ZNF875: variants seen among roughly 807,000 people sequenced by gnomAD.
ZNF875 encodes the protein HKR1, GLI-Kruppel zinc finger family member.
Under a neutral mutation model 11.2 loss-of-function variants are expected in ZNF875, and 14 were observed. That is an observed-to-expected ratio of 1.26 (90% CI 0.83 to 1.96). The LOEUF is 1.96. Among genes scored for constraint, ZNF875 ranks in the 30% most tolerant of loss-of-function variants. The pLI is 0.00. For synonymous variants in ZNF875, 301 were observed against 281.1 expected (o/e 1.07, Z -0.71); for missense variants, 752 against 760.4 (o/e 0.99, Z 0.13).
At chr19:37,327,539 G>A (rs1053165755) in intron 4 of ZNF875, among the ~76,000 whole-genome samples, 14 of 151,730 alleles carry the variant, frequency 9.2e-5, no homozygotes, top group African/African-American at 2.7e-4. Context: ...AGGCCGAGGC[G>A]GGCAGATCAC....
In ZNF875 at chr19:37,334,773, C is replaced by T. The variant is rs1481309363; in HGVS notation, c.-66C>T. 6.6e-6 allele frequency: 3 copies of T among 456,516 alleles called. No homozygotes were observed. Among genetic ancestry groups the T allele is most frequent in the South Asian group, 4.6e-5 (3 of 64,564 alleles). The allele number at this position is 456,516 out of a possible 1,614,324, so 28.3% of individuals were successfully genotyped here. A position where few individuals can be genotyped will look rare whatever the true frequency, so the allele number is the denominator to read the frequency against. Reference sequence around the variant, plus strand: ...TCGGCTTCAGGATCCGCAGCGTGCACCCGCGTTCCGTGAGTGCCCTATAGG... The same window carrying T: ...TCGGCTTCAGGATCCGCAGCGTGCATCCGCGTTCCGTGAGTGCCCTATAGG... On this transcript the variant is annotated 5_prime_UTR_variant, in exon 1 of 5. Transcript: ENST00000392153.
upstream of ZNF875, among the ~76,000 whole-genome samples, chr19:37,334,028 C>T (rs2033800052): frequency 7.2e-5 from 11 of 152,206 alleles, no homozygotes; most frequent in South Asian, 2.3e-3. Flanking sequence ...ACCAGGGGAT[C>T]TTTTGCTGTT....
upstream of ZNF875, among the ~76,000 whole-genome samples, chr19:37,332,725 T>G (rs1329501326): frequency 1.3e-5 from 2 of 152,228 alleles, no homozygotes; most frequent in African/African-American, 4.8e-5. Context: ...ATTTGCTTTT[T>G]TGTTTTTTGC....
upstream of ZNF875, among the ~76,000 whole-genome samples, chr19:37,332,261 G>C (rs1488240884): frequency 6.7e-6 from 1 of 149,404 alleles, no homozygotes. Flanking sequence ...GGTTCCCCGG[G>C]TCCCCTTATT....
At chr19:37,348,292 T>C (rs1333713357) in intron 4 of ZNF875, among the ~76,000 whole-genome samples, 1 of 152,196 alleles carries the variant, frequency 6.6e-6, no homozygotes, top group East Asian at 1.9e-4. Context: ...CTATGACTAA[T>C]AATAAAATAC....
intron 2 of ZNF875, among the ~76,000 whole-genome samples, chr19:37,336,908 A>AAAAT (rs952486882): frequency 5.3e-5 from 8 of 152,032 alleles, no homozygotes; most frequent in Admixed American, 3.3e-4. Flanking sequence ...ACTCCATCTC[A>AAAAT]AAATAAATAA....
At chr19:37,315,070 A>G (rs1207093755), upstream of ZNF875, 1 of 151,902 alleles carries the variant, frequency 6.6e-6, no homozygotes, top group African/African-American at 2.4e-5. Flanking sequence ...GGCCACCACT[A>G]ATCTACTTTC....
At chr19:37,314,478 G>A (rs1270310653), upstream of ZNF875, among the ~76,000 whole-genome samples, 1 of 152,154 alleles carries the variant, frequency 6.6e-6, no homozygotes, top group Non-Finnish European at 1.5e-5. Flanking sequence ...CTGAGATGAT[G>A]CATCAGAAAT....
chr19:37,323,704 G>T (rs2031921523), intron 3 of ZNF875: 2 of 152,120 alleles, frequency 1.3e-5, no homozygotes, highest in Admixed American at 1.3e-4. Context: ...AAGAGAAAAG[G>T]CCCCTGAGAA....
intron 4 of ZNF875, among the ~76,000 whole-genome samples, chr19:37,357,765 A>G (rs1398226294): frequency 6.6e-6 from 1 of 151,582 alleles, no homozygotes; most frequent in East Asian, 1.9e-4. Context: ...AGAGTTTTCT[A>G]GGTATAGGAT....
intron 4 of ZNF875, among the ~76,000 whole-genome samples, chr19:37,350,165 G>T (rs1366368094): frequency 1.5e-5 from 2 of 137,018 alleles, no homozygotes; most frequent in Non-Finnish European, 3.0e-5. Context: ...AGGCTGGAGT[G>T]CAAAGGCGCA....
chr19:37,324,766 T>TG (rs1185871245), intron 4 of ZNF875: 1 of 134,600 alleles, frequency 7.4e-6, no homozygotes, highest in Non-Finnish European at 1.4e-5. Context: ...CCATCAAGAT[T>TG]GAACCTCTCT....
In ZNF875 at chr19:37,362,093, G is replaced by A; in HGVS notation, c.257-16G>A. 1 of 1,591,556 alleles carries A rather than the reference G, an allele frequency of 6.3e-7. No homozygotes were observed. ...CCCTACCTATGGCCCCTCTGAAAAT[G>A]TTCTTTCTTCAGCAGAATCGAAGCC... On this transcript the variant is annotated splice_polypyrimidine_tract_variant and intron_variant, in intron 4 of 4. Transcript: ENST00000392153.
intron 2 of ZNF875, among the ~76,000 whole-genome samples, chr19:37,343,456 A>G (rs2036170170): frequency 6.6e-6 from 1 of 151,710 alleles, no homozygotes; most frequent in African/African-American, 2.4e-5. Flanking sequence ...TAGGCCCGGC[A>G]TGGCTGAGCT....
intron 2 of ZNF875, chr19:37,346,828 T>C (rs1242804967): frequency 3.7e-6 from 1 of 269,426 alleles, no homozygotes; most frequent in African/African-American, 2.3e-5. Context: ...TAGAAATCTT[T>C]CCTACTTCCC....
At position 37,364,001 on chromosome 19, in the gene ZNF875, C is replaced by T. The variant is rs2040417942; in HGVS notation, c.*226C>T. 1 of 533,010 alleles carries T rather than the reference C, an allele frequency of 1.9e-6. No individual in the cohort carries two copies. The highest frequency in any genetic ancestry group is 3.4e-5 in the Admixed American group (1 of 29,116). 33.0% of individuals were successfully genotyped at this position (533,010 alleles called of 1,614,324 possible). A position where few individuals can be genotyped will look rare whatever the true frequency, so the allele number is the denominator to read the frequency against. On this transcript the variant is annotated 3_prime_UTR_variant, in exon 5 of 5. Transcript: ENST00000392153. ...TTTTCAGGAGCCCTGCCCTTCCTCA[C>T]TGTGGATGGTGGGTTGTGGAAACCC...
In ZNF875 at chr19:37,362,179, A is replaced by C. The variant is rs746224331; in HGVS notation, c.327A>C (p.Gln109His). The change falls in exon 5 of 5, where the codon CAA (glutamine) becomes CAC (histidine). Residue 109 changes from glutamine to histidine, a missense_variant. Transcript: ENST00000392153. ...LIFSSQQALS[Q>H]HVWLSHLSQL... ...TCTCCAGTCAGCAAGCTCTCAGCCA[A>C]CATGTGTGGCTGAGTCATCTCTCTC... The C allele has an allele frequency of 3.7e-6, 6 of 1,614,122 alleles. No individual in the cohort carries two copies. The Admixed American group carries it at 8.3e-5, about 22-fold the overall frequency.
chr19:37,316,736 C>T (rs984551917), upstream of ZNF875, among the ~76,000 whole-genome samples: 26 of 152,022 alleles, frequency 1.7e-4, no homozygotes, highest in African/African-American at 6.3e-4. Flanking sequence ...GATCTCGGCT[C>T]ACTGCAACCT....
chr19:37,359,469 T>A (rs1004503985), intron 4 of ZNF875: 1 of 299,390 alleles, frequency 3.3e-6, no homozygotes, highest in Non-Finnish European at 6.8e-6. Flanking sequence ...AGTGGTGTTA[T>A]ATCGGCTCAC....
Sources: allele counts gnomAD v4.1 joint callset (sites outside exome capture counted in the v4.1 genomes callset), GRCh38; gene constraint gnomAD v4.1.1; transcripts MANE v1.5; gene names NCBI Gene and HGNC (gene_info 2026-07-23, HGNC 2026-07-21).